Variants in SESTD1 observed in about 807,000 individuals in gnomAD.
SESTD1 encodes SEC14 and spectrin domain containing 1.
Under a neutral mutation model 101.7 loss-of-function variants are expected in SESTD1, and 43 were observed. That is an observed-to-expected ratio of 0.42 (90% CI 0.33 to 0.55). The LOEUF (loss-of-function observed/expected upper bound fraction) is 0.55, where lower values mean the gene tolerates loss of function less well. SESTD1 is among the 20% of genes least tolerant of loss of function. SESTD1 has a pLI of 0.07. For synonymous variants in SESTD1, 283 were observed against 286.8 expected (o/e 0.99, Z 0.13); for missense variants, 647 against 815.1 (o/e 0.79, Z 2.51).
chr2:179,170,787 A>G (rs2045917984), intron 5 of SESTD1, among the ~76,000 whole-genome samples: 1 of 152,156 alleles, frequency 6.6e-6, no homozygotes, highest in Non-Finnish European at 1.5e-5. Context: ...GTTAATCACT[A>G]ATGGCCAATG....
intron 3 of SESTD1, among the ~76,000 whole-genome samples, chr2:179,177,279 T>C (rs1190036698): frequency 6.6e-6 from 1 of 152,210 alleles, no homozygotes; most frequent in African/African-American, 2.4e-5. Context: ...CAAAACTACA[T>C]ACCTATCATT....
chr2:179,110,460 C>A (rs1043519786), intron 17 of SESTD1, among the ~76,000 whole-genome samples: 17 of 152,138 alleles, frequency 1.1e-4, no homozygotes, highest in Admixed American at 3.3e-4. Flanking sequence ...GGTACATTAA[C>A]AGATAAAATT....
intron 3 of SESTD1, among the ~76,000 whole-genome samples, chr2:179,178,486 T>C (rs2105481180): frequency 6.6e-6 from 1 of 151,942 alleles, no homozygotes; most frequent in South Asian, 2.1e-4. Flanking sequence ...AATAAAAGAC[T>C]TGGGGAGAGA....
intron 1 of SESTD1, among the ~76,000 whole-genome samples, chr2:179,253,462 G>C (rs978551100): frequency 6.6e-6 from 1 of 152,122 alleles, no homozygotes; most frequent in Non-Finnish European, 1.5e-5. Flanking sequence ...AACTGGGTGA[G>C]GTGTATATTG....
At chr2:179,148,095 G>A (rs185602163) in intron 7 of SESTD1, among the ~76,000 whole-genome samples, 257 of 152,238 alleles carry the variant, frequency 1.7e-3, no homozygotes, top group South Asian at 0.016. Context: ...CAAACCGTTT[G>A]TTTTCACAGT....
chr2:179,213,408 G>T lies in SESTD1; in HGVS notation c.-25-21542C>A, dbSNP rs187064208. On this transcript the variant is annotated intron_variant, in intron 1 of 17. Transcript: ENST00000428443. ...GGAAGAAAGGATATCAGTGATTGAA[G>T]ATCAAATTAATGAAATAAAACAGAA... Among the ~76,000 whole-genome samples, 12 of 134,516 alleles carry T rather than the reference G, an allele frequency of 8.9e-5. 1 individual carries two copies. In the East Asian group the frequency reaches 2.2e-3, roughly 24 times the overall value. 88.2% of individuals were successfully genotyped at this position (134,516 alleles called of 152,430 possible).
Position 179,150,379 on chromosome 2 carries a change from G to A in SESTD1, c.483+899C>T, listed in dbSNP as rs572970909. Among the ~76,000 whole-genome samples the A allele has an allele frequency of 1.5e-3, 234 of 151,928 alleles. No homozygotes were observed. In the South Asian group the frequency reaches 0.016, roughly 10 times the overall value. On this transcript the variant is annotated intron_variant, in intron 6 of 17. Coordinates refer to ENST00000428443, the MANE Select transcript of SESTD1 (RefSeq NM_178123.5). Reference sequence around the variant, plus strand: ...AAAAAAAATCAAATTACACAGAGTTGCAGATTTCAGAAGTCTAGAATGCCA... The same window carrying A: ...AAAAAAAATCAAATTACACAGAGTTACAGATTTCAGAAGTCTAGAATGCCA...
rs2044380956 is a variant in SESTD1, at chr2:179,106,305, G to A, written c.*3594C>T. 6.6e-6 allele frequency: 1 copy of A among 152,160 alleles called. No individual in the cohort carries two copies. The highest frequency in any genetic ancestry group is 6.6e-5 in the Admixed American group (1 of 15,266). The allele number at this position is 152,160 out of a possible 1,614,324, so 9.4% of individuals were successfully genotyped here. On this transcript the variant is annotated 3_prime_UTR_variant, in exon 18 of 18. Coordinates refer to ENST00000428443, the MANE Select transcript of SESTD1 (RefSeq NM_178123.5). ...GCAACCACAGTATGTTTAGTTTTTA[G>A]TAGCAACAGTATTTTACTACGGCCT...
intron 5 of SESTD1, among the ~76,000 whole-genome samples, 173 bp downstream of exon 5, chr2:179,171,947 A>G (rs990542983): frequency 1.3e-5 from 2 of 152,234 alleles, no homozygotes; most frequent in African/African-American, 4.8e-5. Context: ...ACAAAATATC[A>G]TACTTCATTC....
chr2:179,243,429 A>G (rs1446365093), intron 1 of SESTD1, among the ~76,000 whole-genome samples: 1 of 152,182 alleles, frequency 6.6e-6, no homozygotes, highest in African/African-American at 2.4e-5. Context: ...AAGAAAATAA[A>G]TTGTTCTACC....
Position 179,248,095 on chromosome 2 carries a change from C to T in SESTD1, c.-26+16404G>A, listed in dbSNP as rs1304485176. On this transcript the variant is annotated intron_variant, in intron 1 of 17. Coordinates refer to ENST00000428443, the MANE Select transcript of SESTD1 (RefSeq NM_178123.5). ...AGAAAAACAGAGACGACACAGATTA[C>T]CAGTATCTGGAATGCAACAGAGATC... Among the ~76,000 whole-genome samples, 11 of 151,820 alleles carry T rather than the reference C, an allele frequency of 7.2e-5. No homozygotes were observed. The East Asian group carries it at 1.8e-3, about 24-fold the overall frequency.
chr2:179,135,561 C>G (rs2045122770), intron 9 of SESTD1, among the ~76,000 whole-genome samples: 1 of 152,050 alleles, frequency 6.6e-6, no homozygotes, highest in South Asian at 2.1e-4. Flanking sequence ...CAAGACCAGC[C>G]TGAGCAACAT....
chr2:179,195,565 C>T (rs935431407), intron 1 of SESTD1, among the ~76,000 whole-genome samples: 1 of 152,192 alleles, frequency 6.6e-6, no homozygotes, highest in Non-Finnish European at 1.5e-5. Flanking sequence ...ATATAGCCCA[C>T]ACTTATTCAA....
intron 4 of SESTD1, among the ~76,000 whole-genome samples, chr2:179,172,865 A>G (rs1284138125): frequency 6.6e-6 from 1 of 152,244 alleles, no homozygotes; most frequent in African/African-American, 2.4e-5. Context: ...TTTAAAATGC[A>G]TCTTAAATCC....
At chr2:179,260,214 GGTAGGAGTTATT>G (rs1458736292) in intron 1 of SESTD1, among the ~76,000 whole-genome samples, 1 of 152,166 alleles carries the variant, frequency 6.6e-6, no homozygotes, top group Non-Finnish European at 1.5e-5. Context: ...ACTCTTATGA[GGTAGGAGTTATT>G]GTCATTTGAC....
chr2:179,261,026 T>C (rs756745250), intron 1 of SESTD1, among the ~76,000 whole-genome samples: 1 of 152,150 alleles, frequency 6.6e-6, no homozygotes, highest in Non-Finnish European at 1.5e-5. Flanking sequence ...CAGCTTTTAC[T>C]CTCTCTATAT....
intron 5 of SESTD1, among the ~76,000 whole-genome samples, chr2:179,152,985 C>T (rs2045558714): frequency 6.6e-6 from 1 of 151,988 alleles, no homozygotes; most frequent in Non-Finnish European, 1.5e-5. Context: ...CTTGAAAAGA[C>T]TAATGAAATC....
At chr2:179,196,285 G>A (rs534996761) in intron 1 of SESTD1, among the ~76,000 whole-genome samples, 13 of 152,322 alleles carry the variant, frequency 8.5e-5, no homozygotes, top group African/African-American at 2.2e-4. Context: ...ATTACATCCC[G>A]CACCTGGCTC....
chr2:179,184,615 T>A (rs1385064553), intron 2 of SESTD1, among the ~76,000 whole-genome samples: 1 of 152,070 alleles, frequency 6.6e-6, no homozygotes, highest in East Asian at 1.9e-4. Flanking sequence ...CCTGAATGAC[T>A]CTGTTGGTTT....
Sources: allele counts gnomAD v4.1 joint callset (sites outside exome capture counted in the v4.1 genomes callset), GRCh38; gene constraint gnomAD v4.1.1; transcripts MANE v1.5; gene names NCBI Gene and HGNC (gene_info 2026-07-23, HGNC 2026-07-21).